The following LARGE1 variants were observed in gnomAD, a reference collection of about 807,000 sequenced individuals.
The protein encoded by LARGE1 is LARGE xylosyl- and glucuronyltransferase 1.
Under a neutral mutation model 87.6 loss-of-function variants are expected in LARGE1, and 43 were observed. The ratio of observed to expected loss-of-function variants is 0.49; its 90% confidence interval spans 0.38 to 0.63. The LOEUF (loss-of-function observed/expected upper bound fraction) is 0.63. Ranked by LOEUF, LARGE1 falls within the 30% of genes least tolerant of loss-of-function variation. The pLI is 0.00. For missense variants in LARGE1, 802 were observed against 1,000.2 expected, an observed-to-expected ratio of 0.80 and a Z score of 2.67; for synonymous variants, 434 against 394.6, an observed-to-expected ratio of 1.10 and a Z score of -1.18.
chr22:33,644,476 G>A (rs1244506150), intron 3 of LARGE1, among the ~76,000 whole-genome samples: 1 of 152,166 alleles, frequency 6.6e-6, no homozygotes, highest in African/African-American at 2.4e-5. Context: ...GCAAAAGCTG[G>A]AAGCATTCCC....
chr22:33,467,415 T>A (rs760680138), intron 6 of LARGE1, among the ~76,000 whole-genome samples: 1 of 152,238 alleles, frequency 6.6e-6, no homozygotes, highest in Non-Finnish European at 1.5e-5. Context: ...CTTTTTGTGA[T>A]AGCTAATTCA....
At chr22:33,144,728 C>T in the LARGE1 span, among the ~76,000 whole-genome samples, 1 of 152,026 alleles carries the variant, frequency 6.6e-6, no homozygotes, top group Admixed American at 6.6e-5. Flanking sequence ...AATTCATTCA[C>T]CACCCAAGAA....
the LARGE1 span, among the ~76,000 whole-genome samples, chr22:33,089,441 TC>T: frequency 7.2e-6 from 1 of 138,000 alleles, no homozygotes; most frequent in Non-Finnish European, 1.5e-5. Context: ...CTCTTCTTCT[TC>T]CTCTTCTTCT....
At chr22:33,755,899 T>C (rs2084495036) in intron 2 of LARGE1, among the ~76,000 whole-genome samples, 1 of 152,144 alleles carries the variant, frequency 6.6e-6, no homozygotes, top group African/African-American at 2.4e-5. Flanking sequence ...AAGCAAAATA[T>C]CTCTTGATGA....
At chr22:33,675,223 G>T (rs2081533595) in intron 2 of LARGE1, among the ~76,000 whole-genome samples, 1 of 143,736 alleles carries the variant, frequency 7.0e-6, no homozygotes, top group African/African-American at 2.6e-5. Flanking sequence ...GAACCCGGGA[G>T]GCAGAGGTTG....
At chr22:33,704,020 T>C (rs951204801) in intron 2 of LARGE1, among the ~76,000 whole-genome samples, 3 of 152,248 alleles carry the variant, frequency 2.0e-5, no homozygotes, top group Non-Finnish European at 2.9e-5. Context: ...TTATCCTCAA[T>C]GTGGAGCTTC....
intron 10 of LARGE1, among the ~76,000 whole-genome samples, chr22:33,329,730 C>T (rs1937522209): frequency 6.6e-6 from 1 of 152,122 alleles, no homozygotes. Flanking sequence ...ACGGCATACA[C>T]TTTAGCAGCA....
chr22:33,200,654 C>T (rs570263635), intron 11 of LARGE1, among the ~76,000 whole-genome samples: 19 of 152,302 alleles, frequency 1.2e-4, no homozygotes, highest in Non-Finnish European at 2.4e-4. Context: ...TGGATATATC[C>T]TACAACCTGG....
intron 9 of LARGE1, among the ~76,000 whole-genome samples, chr22:33,363,154 G>C (rs970831558): frequency 6.7e-6 from 1 of 150,026 alleles, no homozygotes; most frequent in Non-Finnish European, 1.5e-5. Context: ...GGGAGACCAG[G>C]AGAGGCAGGG....
rs546297472 is a variant in LARGE1, at chr22:33,301,560, C to T, written c.1730+2669G>A. Among the ~76,000 whole-genome samples the T allele has an allele frequency of 4.8e-3, 738 of 152,304 alleles. 5 individuals are homozygous for T. Among genetic ancestry groups the T allele is most frequent in the African/African-American group, 0.017 (709 of 41,560 alleles). On this transcript the variant is annotated intron_variant, in intron 12 of 14. Coordinates refer to ENST00000397394, the MANE Select transcript of LARGE1 (RefSeq NM_133642.5). ...GAATACCTAGTAACCTTCCCTGCGTCCATAAAGCAATAATGGCACGATTGT... is the reference window on the plus strand; with the variant it reads ...GAATACCTAGTAACCTTCCCTGCGTTCATAAAGCAATAATGGCACGATTGT...
chr22:33,817,164 G>A (rs2086679161), intron 1 of LARGE1, among the ~76,000 whole-genome samples: 2 of 151,882 alleles, frequency 1.3e-5, no homozygotes, highest in African/African-American at 4.8e-5. Context: ...CCTATGGTTC[G>A]CCTCTGCCAG....
At chr22:33,793,849 G>C (rs1342515860) in intron 1 of LARGE1, among the ~76,000 whole-genome samples, 2 of 151,840 alleles carry the variant, frequency 1.3e-5, no homozygotes, top group Admixed American at 6.6e-5. Flanking sequence ...ATACAAAGAG[G>C]GGGTGGTGTG....
intron 12 of LARGE1, among the ~76,000 whole-genome samples, chr22:33,300,739 A>G (rs1215205558): frequency 6.6e-6 from 1 of 152,146 alleles, no homozygotes; most frequent in South Asian, 2.1e-4. Context: ...ATGGGGTTTC[A>G]CCATGTTGGC....
intron 6 of LARGE1, among the ~76,000 whole-genome samples, chr22:33,440,690 C>A (rs529781158): frequency 6.6e-6 from 1 of 152,332 alleles, no homozygotes; most frequent in Non-Finnish European, 1.5e-5. Context: ...TGCTACACAG[C>A]CCCAGGTGTT....
intron 11 of LARGE1, among the ~76,000 whole-genome samples, chr22:33,195,741 TC>T (rs1024796457): frequency 2.4e-4 from 21 of 86,930 alleles, no homozygotes; most frequent in African/African-American, 8.9e-4. Flanking sequence ...AAAATTAATT[TC>T]TTTTTTCTTT....
the LARGE1 span, among the ~76,000 whole-genome samples, chr22:33,107,487 C>A: frequency 6.6e-6 from 1 of 150,962 alleles, no homozygotes; most frequent in Non-Finnish European, 1.5e-5. Context: ...CCCAGGAGGT[C>A]GAGGCTGCAG....
intron 11 of LARGE1, among the ~76,000 whole-genome samples, chr22:33,239,745 G>A (rs1568986047): frequency 6.6e-6 from 1 of 151,636 alleles, no homozygotes; most frequent in Non-Finnish European, 1.5e-5. Flanking sequence ...CACTATGTTG[G>A]CCAGGTTGGT....
intron 1 of LARGE1, among the ~76,000 whole-genome samples, chr22:33,797,568 T>C (rs1415288058): frequency 2.0e-5 from 3 of 152,148 alleles, no homozygotes; most frequent in African/African-American, 7.2e-5. Context: ...GAGAAGCACA[T>C]GGAAGAGGAC....
At chr22:33,220,676 C>T (rs145089745) in intron 11 of LARGE1, among the ~76,000 whole-genome samples, 250 of 152,328 alleles carry the variant, frequency 1.6e-3, no homozygotes, top group African/African-American at 5.4e-3. Context: ...TGCCTGAGCA[C>T]GGCGCTGAAG....
Sources: allele counts gnomAD v4.1 joint callset (sites outside exome capture counted in the v4.1 genomes callset), GRCh38; gene constraint gnomAD v4.1.1; transcripts MANE v1.5; gene names NCBI Gene and HGNC (gene_info 2026-07-23, HGNC 2026-07-21).